Variants in XPR1 observed in about 807,000 individuals in gnomAD.
XPR1 encodes solute carrier family 53 member 1.
A neutral mutation model predicts 87.5 loss-of-function variants in XPR1; 28 were observed. The ratio of observed to expected loss-of-function variants is 0.32; its 90% CI spans 0.24 to 0.44. The LOEUF (loss-of-function observed/expected upper bound fraction) is 0.44, where lower values mean the gene tolerates loss of function less well. XPR1 is among the 20% of genes least tolerant of loss of function. XPR1 has a pLI of 1.00. For missense variants in XPR1, 559 were observed against 862.3 expected, an observed-to-expected ratio of 0.65 and a Z score of 4.41; for synonymous variants, 300 against 306.1, an observed-to-expected ratio of 0.98 and a Z score of 0.21.
At chr1:180,692,501 T>C (rs1424958922) in intron 2 of XPR1, among the ~76,000 whole-genome samples, 1 of 152,190 alleles carries the variant, frequency 6.6e-6, no homozygotes, top group Non-Finnish European at 1.5e-5. Flanking sequence ...AATGGAGTTA[T>C]TTCTGAAGGG....
At chr1:180,709,984 C>G (rs2101981932) in intron 2 of XPR1, among the ~76,000 whole-genome samples, 1 of 151,622 alleles carries the variant, frequency 6.6e-6, no homozygotes. Flanking sequence ...CAGCTCACTG[C>G]AACCTCTGCC....
chr1:180,846,461 A>G (rs1421049185), intron 11 of XPR1, among the ~76,000 whole-genome samples: 1 of 120,906 alleles, frequency 8.3e-6, no homozygotes, highest in East Asian at 2.1e-4. Context: ...TTTTTTTTTG[A>G]GATGGAATCT....
intron 9 of XPR1, 36 bp from the exon 10 acceptor site, chr1:180,834,838 T>C (rs766486208): frequency 4.4e-5 from 70 of 1,581,806 alleles, no homozygotes; most frequent in Non-Finnish European, 5.9e-5. Context: ...ACGACTTTTC[T>C]TGTTTCTGTG....
Position 180,860,032 on chromosome 1 carries a change from C to G in XPR1, c.1502-3676C>G, listed in dbSNP as rs562155174. Among the ~76,000 whole-genome samples, 21 of 152,040 alleles carry G rather than the reference C, an allele frequency of 1.4e-4. No individual in the cohort carries two copies. The South Asian group carries it at 3.9e-3, about 29-fold the overall frequency. ...ATAATAATAAGACAAGAAATTCCCCCTCAAAATTTTTGGCCAAATATTTTA... is the reference window on the plus strand; with the variant it reads ...ATAATAATAAGACAAGAAATTCCCCGTCAAAATTTTTGGCCAAATATTTTA... On this transcript the variant is annotated intron_variant, in intron 11 of 14. Coordinates refer to ENST00000367590, the MANE Select transcript of XPR1 (RefSeq NM_004736.4).
chr1:180,759,496 C>A (rs1304839305), intron 2 of XPR1, among the ~76,000 whole-genome samples: 3 of 152,034 alleles, frequency 2.0e-5, no homozygotes, highest in East Asian at 1.9e-4. Flanking sequence ...CCTCTACGCA[C>A]ATAAACTAGA....
intron 3 of XPR1, among the ~76,000 whole-genome samples, chr1:180,791,156 A>G (rs1056877791): frequency 6.6e-6 from 1 of 152,218 alleles, no homozygotes; most frequent in African/African-American, 2.4e-5. Context: ...ACATTTTTTG[A>G]AAAAGAAGGA....
chr1:180,676,065 C>T (rs937191886), intron 1 of XPR1, among the ~76,000 whole-genome samples: 1 of 152,076 alleles, frequency 6.6e-6, no homozygotes, highest in Non-Finnish European at 1.5e-5. Context: ...AATGAAGACT[C>T]GTCATTTTTC....
At chr1:180,794,057 A>C (rs939748354) in intron 3 of XPR1, among the ~76,000 whole-genome samples, 4 of 152,168 alleles carry the variant, frequency 2.6e-5, no homozygotes, top group Non-Finnish European at 5.9e-5. Flanking sequence ...AGAAAATGAA[A>C]ATATAGTTAC....
rs541662857 is a variant in XPR1, at chr1:180,761,958, C to A, written c.122-25795C>A. ...ATGCAGCCATAAAAAATGAAGAGTTCATGTCCTTTGTAGGGACATGGATGA... is the reference window on the plus strand; with the variant it reads ...ATGCAGCCATAAAAAATGAAGAGTTAATGTCCTTTGTAGGGACATGGATGA... On this transcript the variant is annotated intron_variant, in intron 2 of 14. Coordinates refer to ENST00000367590, the MANE Select transcript of XPR1 (RefSeq NM_004736.4). Among the ~76,000 whole-genome samples the A allele has an allele frequency of 1.6e-4, 24 of 152,150 alleles. No homozygotes were observed. In the South Asian group the frequency reaches 5.0e-3, roughly 32 times the overall value.
intron 2 of XPR1, among the ~76,000 whole-genome samples, chr1:180,778,012 C>T (rs1178477301): frequency 1.3e-5 from 2 of 152,100 alleles, no homozygotes; most frequent in Non-Finnish European, 2.9e-5. Context: ...GAGACAGGGT[C>T]TTAGTCTGTC....
intron 1 of XPR1, among the ~76,000 whole-genome samples, chr1:180,643,589 A>G (rs6675189): frequency 0.043 from 6,523 of 152,280 alleles, 498 homozygotes; most frequent in African/African-American, 0.15. Flanking sequence ...CCTTACAGCA[A>G]GCCTGTTGAC....
intron 11 of XPR1, among the ~76,000 whole-genome samples, chr1:180,857,096 T>C (rs1652057706): frequency 6.6e-6 from 1 of 152,222 alleles, no homozygotes; most frequent in Non-Finnish European, 1.5e-5. Context: ...ATATTATTAA[T>C]TTTACCTGTT....
chr1:180,676,198 A>G (rs536528034), intron 1 of XPR1, among the ~76,000 whole-genome samples: 1 of 152,308 alleles, frequency 6.6e-6, no homozygotes, highest in East Asian at 1.9e-4. Context: ...AATCATCTTT[A>G]AAGTAATTTC....
chr1:180,659,235 T>C, intron 1 of XPR1, among the ~76,000 whole-genome samples: 1 of 27,036 alleles, frequency 3.7e-5, no homozygotes, highest in African/African-American at 1.1e-4. Context: ...CCTTCCTTCC[T>C]TCCTTCCTTC....
At chr1:180,760,868 C>T (rs1647994604) in intron 2 of XPR1, among the ~76,000 whole-genome samples, 1 of 152,150 alleles carries the variant, frequency 6.6e-6, no homozygotes, top group Non-Finnish European at 1.5e-5. Flanking sequence ...TCAAACTATA[C>T]TACAAGGCTA....
chr1:180,679,925 A>G (rs965152063), intron 1 of XPR1, among the ~76,000 whole-genome samples: 2 of 152,176 alleles, frequency 1.3e-5, no homozygotes, highest in South Asian at 4.1e-4. Context: ...CTGGACAGCA[A>G]AGGAAACAGA....
At position 180,811,415 on chromosome 1, in the gene XPR1, A is replaced by G. The variant is rs1203882660; in HGVS notation, c.690A>G (p.Pro230=). Residue 230 remains proline (P), a synonymous_variant, in exon 7 of 15, where the codon CCA becomes CCG. Coordinates refer to ENST00000367590, the MANE Select transcript of XPR1 (RefSeq NM_004736.4). Reference sequence around the variant, plus strand: ...TATTTTTCTGTCCACAGCCTGCACCAGCATGGACTACTTTTAGAGTTGGCC... The same window carrying G: ...TATTTTTCTGTCCACAGCCTGCACCGGCATGGACTACTTTTAGAGTTGGCC... ...VPPLGAAQPA[P]AWTTFRVGLF... 1 of 1,613,412 alleles carries G rather than the reference A, an allele frequency of 6.2e-7. No homozygotes were observed. Among genetic ancestry groups the G allele is most frequent in the South Asian group, 1.1e-5 (1 of 90,880 alleles).
intron 6 of XPR1, among the ~76,000 whole-genome samples, chr1:180,810,720 A>G (rs1571859798): frequency 6.6e-6 from 1 of 151,946 alleles, no homozygotes; most frequent in Non-Finnish European, 1.5e-5. Flanking sequence ...AAAATTTACA[A>G]TTTCATTGTA....
In XPR1 at chr1:180,739,556, A is replaced by G. The variant is rs544234593; in HGVS notation, c.122-48197A>G. Reference sequence around the variant, plus strand: ...TTTACTGCATTTTGGCTTCCAATACATGATTATGGAAAGTGTCTCCATTTA... The same window carrying G: ...TTTACTGCATTTTGGCTTCCAATACGTGATTATGGAAAGTGTCTCCATTTA... On this transcript the variant is annotated intron_variant, in intron 2 of 14. Coordinates refer to ENST00000367590, the MANE Select transcript of XPR1 (RefSeq NM_004736.4). Among the ~76,000 whole-genome samples, 3 of 152,312 alleles carry G rather than the reference A, an allele frequency of 2.0e-5. No individual in the cohort carries two copies. In the South Asian group the frequency reaches 6.2e-4, roughly 32 times the overall value.
Sources: gnomAD v4.1 joint callset for allele counts (sites outside exome capture counted in the v4.1 genomes callset) on GRCh38, gnomAD v4.1.1 for gene constraint, MANE v1.5 for transcripts, NCBI Gene and HGNC (gene_info 2026-07-23, HGNC 2026-07-21) for gene names.